The following LINGO3 variants were observed in gnomAD, a reference collection of about 807,000 sequenced individuals.
LINGO3 encodes leucine rich repeat and Ig domain containing 3.
For synonymous variants in LINGO3, 427 were observed against 444.2 expected (o/e 0.96, Z 0.49); for missense variants, 750 against 867.7 (o/e 0.86, Z 1.70).
exon 1 of LINGO3, chr19:2,289,862 C>T (rs2025500784): frequency 4.4e-6 from 3 of 676,048 alleles, no homozygotes; most frequent in Non-Finnish European, 7.4e-6. Flanking sequence ...TGCGGTTGGG[C>T]GTCTACAAAA....
At chr19:2,302,842 A>T in the LINGO3 span, among the ~76,000 whole-genome samples, 1 of 152,246 alleles carries the variant, frequency 6.6e-6, no homozygotes, top group East Asian at 1.9e-4. Context: ...TCTGTCCTGA[A>T]CAGGTGGGGG....
chr19:2,293,271 A>G (rs748323923), upstream of LINGO3, among the ~76,000 whole-genome samples: 15 of 151,286 alleles, frequency 9.9e-5, no homozygotes, highest in Admixed American at 9.2e-4. Context: ...TCACCGTGTT[A>G]GCCAGGATGG....
chr19:2,307,595 A>C, the LINGO3 span, among the ~76,000 whole-genome samples: 1 of 152,260 alleles, frequency 6.6e-6, no homozygotes. Context: ...AGCTCCAGCG[A>C]TGGAGCAGGC....
chr19:2,293,306 C>T (rs1252466909), upstream of LINGO3, among the ~76,000 whole-genome samples: 2 of 151,824 alleles, frequency 1.3e-5, no homozygotes, highest in African/African-American at 2.4e-5. Context: ...CCTCGTGATC[C>T]ACCCTCCTTG....
In LINGO3 at chr19:2,290,726, C is replaced by T. The variant is rs1270778152; in HGVS notation, c.1051G>A (p.Gly351Arg). 1.9e-6 allele frequency: 3 copies of T among 1,612,398 alleles called. No individual in the cohort carries two copies. The highest frequency in any genetic ancestry group is 1.1e-5 in the South Asian group (1 of 91,066). Residue 351 changes from glycine (G) to arginine (R), a missense_variant, in exon 1 of 1, where the codon GGG becomes AGG. By Grantham distance (125) the Gly-to-Arg change is moderately radical. Coordinates refer to ENST00000585527, the Ensembl canonical transcript of LINGO3. The surrounding 1 kb of genome is among the most constrained non-coding windows in gnomAD (Gnocchi z 6.0). ...CGACAGTCGCAGGCCAGCGGGTTCC[C>T]GTCCACGCGCAGCGTCTCTAGCGTG...
At chr19:2,293,909 C>T (rs1261156491), upstream of LINGO3, among the ~76,000 whole-genome samples, 5 of 151,926 alleles carry the variant, frequency 3.3e-5, no homozygotes, top group African/African-American at 1.2e-4. Context: ...AAAAGTTAGC[C>T]TGGCGTGGTG....
upstream of LINGO3, among the ~76,000 whole-genome samples, chr19:2,296,928 AAAAC>A (rs1188747805): frequency 2.6e-5 from 4 of 151,614 alleles, no homozygotes; most frequent in East Asian, 4.0e-4. Context: ...CTCTACTAAA[AAAAC>A]ATACAAAAAA....
chr19:2,301,141 G>A, the LINGO3 span, among the ~76,000 whole-genome samples: 15 of 152,172 alleles, frequency 9.9e-5, no homozygotes, highest in Admixed American at 6.5e-4. Context: ...TGAAATCCAC[G>A]CCCTGAGTGG....
At chr19:2,291,481 G>A in exon 1 of LINGO3, 1 of 1,612,440 alleles carries the variant, frequency 6.2e-7, no homozygotes, top group South Asian at 1.1e-5. Context: ...CGGCAGGTTG[G>A]CGAAGGCGCC....
chr19:2,301,713 T>C, the LINGO3 span, among the ~76,000 whole-genome samples: 1 of 151,694 alleles, frequency 6.6e-6, no homozygotes, highest in Non-Finnish European at 1.5e-5. Flanking sequence ...GGATCACAAG[T>C]TCAAGAGATG....
the LINGO3 span, among the ~76,000 whole-genome samples, chr19:2,299,431 A>T: frequency 6.9e-4 from 103 of 148,624 alleles, no homozygotes; most frequent in African/African-American, 2.3e-3. Context: ...ATTTTATTTT[A>T]TTTTTTTTTT....
the LINGO3 span, among the ~76,000 whole-genome samples, chr19:2,299,848 C>A: frequency 6.7e-6 from 1 of 149,310 alleles, no homozygotes. Flanking sequence ...CTCAGCCTAC[C>A]AAGTAGCTGG....
At chr19:2,289,778 A>C, downstream of LINGO3, 1 of 318,906 alleles carries the variant, frequency 3.1e-6, no homozygotes. Flanking sequence ...TAGCAGGGAC[A>C]GGAAGACGGG....
chr19:2,304,710 C>CTTTTTTTTTTTTTTT, the LINGO3 span, among the ~76,000 whole-genome samples: 4 of 73,254 alleles, frequency 5.5e-5, no homozygotes, highest in Non-Finnish European at 1.0e-4. Flanking sequence ...CCATGTCCTG[C>CTTTTTTTTTTTTTTT]TTTTTTTTTT....
chr19:2,306,987 C>T, the LINGO3 span, among the ~76,000 whole-genome samples: 4 of 152,122 alleles, frequency 2.6e-5, no homozygotes, highest in African/African-American at 4.8e-5. Flanking sequence ...TTCCAGCCTG[C>T]GTCCTCCACC....
chr19:2,303,757 T>C, the LINGO3 span, among the ~76,000 whole-genome samples: 9 of 152,186 alleles, frequency 5.9e-5, no homozygotes, highest in Non-Finnish European at 7.3e-5. Flanking sequence ...GGCACTATTA[T>C]CTCCCTCTCC....
At chr19:2,294,564 C>T (rs189432925), upstream of LINGO3, among the ~76,000 whole-genome samples, 5 of 151,066 alleles carry the variant, frequency 3.3e-5, no homozygotes, top group East Asian at 1.9e-4. This position sits in a 1 kb window ranked among gnomAD's most constrained non-coding sequence, Gnocchi z 4.3. Flanking sequence ...GCAGAGGCCC[C>T]GAGGTGTGGC....
Position 2,290,489 on chromosome 19 carries a change from G to T in LINGO3, c.1288C>A (p.Arg430Ser). The T allele has an allele frequency of 6.7e-7, 1 of 1,486,192 alleles. No homozygotes were observed. Among genetic ancestry groups the T allele is most frequent in the Non-Finnish European group, 8.9e-7 (1 of 1,123,584 alleles). 92.1% of individuals were successfully genotyped at this position (1,486,192 alleles called of 1,614,324 possible). A position where few individuals can be genotyped will look rare whatever the true frequency, so the allele number is the denominator to read the frequency against. The change falls in exon 1 of 1, where the codon CGC becomes AGC. Residue 430 changes from arginine to serine, a missense_variant. By Grantham distance (110) the Arg-to-Ser change is moderately radical. Transcript: ENST00000585527. This position sits in a 1 kb window ranked among gnomAD's most constrained non-coding sequence, Gnocchi z 6.0. The stretch of plus-strand genomic sequence containing the variant: ...GTGGGCGCCGGCTCGCCCTCGGCGC[G>T]GCAGAGGAAGCGGACGTCTTCGCCC...
the LINGO3 span, among the ~76,000 whole-genome samples, chr19:2,298,536 A>ATT: frequency 2.6e-5 from 3 of 114,130 alleles, no homozygotes; most frequent in African/African-American, 6.5e-5. Flanking sequence ...TGGGCCAATA[A>ATT]TTTTTTTTTT....
Sources: gnomAD v4.1 joint callset for allele counts (sites outside exome capture counted in the v4.1 genomes callset) on GRCh38, gnomAD v4.1.1 for gene constraint, Gnocchi (gnomAD v3.1) non-coding constraint, MANE v1.5 for transcripts, NCBI Gene and HGNC (gene_info 2026-07-23, HGNC 2026-07-21) for gene names.